The following KIF26B variants were observed in gnomAD, a reference collection of about 807,000 sequenced individuals.
KIF26B encodes the protein kinesin-like protein KIF26B.
In KIF26B, 63 loss-of-function variants were observed where a neutral mutation model predicts 151.2. The ratio of observed to expected loss-of-function variants is 0.42; its 90% CI spans 0.34 to 0.51. The LOEUF (loss-of-function observed/expected upper bound fraction) is 0.51. Ranked by LOEUF, KIF26B falls within the 20% of genes least tolerant of loss-of-function variation. The pLI, the probability that KIF26B is intolerant of heterozygous loss-of-function variation, is 0.07. For missense variants in KIF26B, 2,813 were observed against 2,913.6 expected (o/e 0.97, Z 0.79); for synonymous variants, 1,357 against 1,262.1 (o/e 1.08, Z -1.59).
At chr1:245,246,082 A>C (rs1432053006) in intron 2 of KIF26B, among the ~76,000 whole-genome samples, 2 of 138,910 alleles carry the variant, frequency 1.4e-5, no homozygotes, top group African/African-American at 2.7e-5. Flanking sequence ...ACAGAGCGAG[A>C]CTCCGTCTCA....
At chr1:245,641,335 C>A (rs938085217) in intron 9 of KIF26B, among the ~76,000 whole-genome samples, 1 of 152,054 alleles carries the variant, frequency 6.6e-6, no homozygotes, top group African/African-American at 2.4e-5. Flanking sequence ...TGAATCTGAT[C>A]GGTGACTTTT....
chr1:245,428,706 G>A (rs367953105), intron 4 of KIF26B, among the ~76,000 whole-genome samples: 54 of 152,286 alleles, frequency 3.5e-4, no homozygotes, highest in African/African-American at 1.3e-3. Context: ...TGCAGGGAAT[G>A]TGGTCAGGTG....
chr1:245,646,252 G>A lies in KIF26B; in HGVS notation c.2230G>A (p.Val744Ile), dbSNP rs138290581. ...TCTGGGCAATGTCATCCTGGCTCTC[G>A]TCAATGGCAGCAAACACATTCCATA... ...SALGNVILAL[V>I]NGSKHIPYKE... is the part of the protein sequence containing the mutation. The change falls in exon 10 of 15, where the codon GTC (valine) becomes ATC (isoleucine). Residue 744 changes from valine (V) to isoleucine (I), a missense_variant. By Grantham distance (29) the Val-to-Ile change is conservative (BLOSUM62 3). Around this residue, in one of 3 missense-constraint regions of KIF26B, gnomAD observed 2,060 missense variants for 2,088.6 expected, o/e 0.99. Transcript: ENST00000407071. 1.4e-4 allele frequency: 227 copies of A among 1,613,802 alleles called. No individual in the cohort carries two copies. The African/African-American group carries it at 2.4e-3, about 17-fold the overall frequency.
intron 3 of KIF26B, among the ~76,000 whole-genome samples, chr1:245,392,402 C>T (rs1256727054): frequency 6.6e-6 from 1 of 152,200 alleles, no homozygotes; most frequent in Non-Finnish European, 1.5e-5. Flanking sequence ...TGTGGCTTTT[C>T]ATTTAAATGT....
chr1:245,289,217 A>G (rs1035523107), intron 2 of KIF26B, among the ~76,000 whole-genome samples: 2 of 152,196 alleles, frequency 1.3e-5, no homozygotes, highest in African/African-American at 4.8e-5. Flanking sequence ...ATGAAATTAG[A>G]ATTTTGATTT....
At chr1:245,329,732 C>T (rs550436779) in intron 2 of KIF26B, among the ~76,000 whole-genome samples, 12 of 152,252 alleles carry the variant, frequency 7.9e-5, no homozygotes, top group African/African-American at 1.4e-4. Flanking sequence ...TCATAGTAGA[C>T]GCTAACGAAA....
chr1:245,382,775 T>C (rs1673442545), intron 3 of KIF26B, among the ~76,000 whole-genome samples: 1 of 151,406 alleles, frequency 6.6e-6, no homozygotes, highest in Non-Finnish European at 1.5e-5. Flanking sequence ...TCCATGTTGG[T>C]CAGGCTGGTC....
intron 4 of KIF26B, among the ~76,000 whole-genome samples, chr1:245,486,075 A>G (rs1332452267): frequency 6.6e-6 from 1 of 152,236 alleles, no homozygotes; most frequent in Non-Finnish European, 1.5e-5. Context: ...AGAAATCCAT[A>G]TTTCCTGATT....
Position 245,685,397 on chromosome 1 carries a change from A to G in KIF26B, c.2422-8A>G. On this transcript the variant is annotated splice_region_variant and splice_polypyrimidine_tract_variant and intron_variant, in intron 11 of 14. Transcript: ENST00000407071. ...AGGCCACCACATTAACTGCCGTCTC[A>G]CTCACAGTACACATCCAGCTCGTCC... The G allele has an allele frequency of 6.3e-7, 1 of 1,595,074 alleles. No individual in the cohort carries two copies. The highest frequency in any genetic ancestry group is 1.1e-5 in the South Asian group (1 of 89,398).
In KIF26B at chr1:245,236,398, T is replaced by G. The variant is rs12043358; in HGVS notation, c.465+79715T>G. On this transcript the variant is annotated intron_variant, in intron 2 of 14. Coordinates refer to ENST00000407071, the MANE Select transcript of KIF26B (RefSeq NM_018012.4). ...AAAATGGGAATAAATGTTGCCTCCA[T>G]CATAGATTTATTGTGAAAGTTAAAG... Among the ~76,000 whole-genome samples the G allele has an allele frequency of 3.8e-3, 586 of 152,318 alleles. 16 individuals carry two copies. In the East Asian group the frequency reaches 0.085, roughly 22 times the overall value.
chr1:245,622,218 A>C (rs2043671530), intron 9 of KIF26B, among the ~76,000 whole-genome samples: 2 of 152,038 alleles, frequency 1.3e-5, no homozygotes, highest in Non-Finnish European at 2.9e-5. Flanking sequence ...TCTTCCCCTT[A>C]AAGGGGTTTT....
chr1:245,172,850 C>G lies in KIF26B; in HGVS notation c.465+16167C>G, dbSNP rs542689634. Among the ~76,000 whole-genome samples the G allele has an allele frequency of 3.3e-5, 5 of 152,176 alleles. No individual in the cohort carries two copies. The South Asian group carries it at 8.3e-4, about 25-fold the overall frequency. Reference sequence around the variant, plus strand: ...AAACAAAACAAAGAGGGTGGCCCACCACATCAATTTCACAAGAAGTGAAAT... The same window carrying G: ...AAACAAAACAAAGAGGGTGGCCCACGACATCAATTTCACAAGAAGTGAAAT... On this transcript the variant is annotated intron_variant, in intron 2 of 14. Transcript: ENST00000407071.
At chr1:245,410,271 A>G (rs1172872960) in intron 3 of KIF26B, among the ~76,000 whole-genome samples, 3 of 152,124 alleles carry the variant, frequency 2.0e-5, no homozygotes, top group Non-Finnish European at 4.4e-5. Context: ...CGTGACATCT[A>G]TAGAGGCATA....
rs546332835 is a variant in KIF26B at position 245,440,489 on chromosome 1, G to A, written c.1166+20744G>A. The stretch of plus-strand genomic sequence containing the variant: ...ATTCCACATCCTAAGACACAGTACC[G>A]ACTGAGAATATAAATCTGCAGGTCC... On this transcript the variant is annotated intron_variant, in intron 4 of 14. Coordinates refer to ENST00000407071, the MANE Select transcript of KIF26B (RefSeq NM_018012.4). Among the ~76,000 whole-genome samples the A allele has an allele frequency of 3.9e-5, 6 of 152,270 alleles. No homozygotes were observed. The East Asian group carries it at 1.2e-3, about 29-fold the overall frequency.
intron 9 of KIF26B, among the ~76,000 whole-genome samples, chr1:245,644,769 GTAGT>G (rs1400207688): frequency 6.6e-6 from 1 of 152,150 alleles, no homozygotes; most frequent in Non-Finnish European, 1.5e-5. Flanking sequence ...ATCTTTTTAG[GTAGT>G]TAATTTCTGA....
At chr1:245,296,546 C>T (rs927853048) in intron 2 of KIF26B, among the ~76,000 whole-genome samples, 17 of 152,250 alleles carry the variant, frequency 1.1e-4, no homozygotes, top group African/African-American at 3.6e-4. Context: ...GGGTGGGGGA[C>T]GTGCAGCCAA....
chr1:245,407,959 AG>A (rs1232702515), intron 3 of KIF26B, among the ~76,000 whole-genome samples: 1 of 146,586 alleles, frequency 6.8e-6, no homozygotes, highest in Non-Finnish European at 1.5e-5. Context: ...CTGATCATTC[AG>A]TGCGGGGAAC....
intron 2 of KIF26B, among the ~76,000 whole-genome samples, chr1:245,332,751 T>G (rs761918729): frequency 4.6e-5 from 7 of 152,222 alleles, no homozygotes; most frequent in Non-Finnish European, 1.0e-4. Flanking sequence ...CACTATGACC[T>G]GGCTTCCGTT....
rs114503369 is a variant in KIF26B at position 245,677,084 on chromosome 1, A to G, written c.2259-7149A>G. On this transcript the variant is annotated intron_variant, in intron 10 of 14. Coordinates refer to ENST00000407071, the MANE Select transcript of KIF26B (RefSeq NM_018012.4). Reference sequence around the variant, plus strand: ...AGATCGATGAGCAAATAAATAGATTAACTTCATGTACTCTTAATAGTTCAA... The same window carrying G: ...AGATCGATGAGCAAATAAATAGATTGACTTCATGTACTCTTAATAGTTCAA... 3.3e-3 allele frequency among the ~76,000 whole-genome samples: 507 copies of G among 152,320 alleles called. 2 individuals are homozygous for G. The highest frequency in any genetic ancestry group is 0.012 in the African/African-American group (485 of 41,558).
Sources: allele counts gnomAD v4.1 joint callset (sites outside exome capture counted in the v4.1 genomes callset), GRCh38; gene constraint gnomAD v4.1.1; regional missense constraint gnomAD v4.1.1; transcripts MANE v1.5; gene names NCBI Gene and HGNC (gene_info 2026-07-23, HGNC 2026-07-21).